Variants in SRGAP1 observed in about 807,000 individuals in gnomAD.
SRGAP1 encodes SLIT-ROBO Rho GTPase-activating protein 1.
A neutral mutation model predicts 121.9 loss-of-function variants in SRGAP1; 43 were observed. That is an observed-to-expected ratio of 0.35 (90% CI 0.28 to 0.46). The LOEUF (loss-of-function observed/expected upper bound fraction) is 0.46, where lower values mean the gene tolerates loss of function less well. SRGAP1 is among the 20% of genes least tolerant of loss of function. The pLI is 1.00. For synonymous variants in SRGAP1, 447 were observed against 485.4 expected, an observed-to-expected ratio of 0.92 and a Z score of 1.04; for missense variants, 1,102 against 1,350.9, an observed-to-expected ratio of 0.82 and a Z score of 2.89.
At chr12:63,912,415 C>A (rs887638677) in intron 1 of SRGAP1, among the ~76,000 whole-genome samples, 50 of 152,076 alleles carry the variant, frequency 3.3e-4, no homozygotes, top group African/African-American at 1.2e-3. Context: ...CCAGATAAGC[C>A]TGGGCAGCAA....
At chr12:63,898,442 TA>T (rs1291989660) in intron 1 of SRGAP1, among the ~76,000 whole-genome samples, 2 of 152,252 alleles carry the variant, frequency 1.3e-5, no homozygotes, top group Non-Finnish European at 2.9e-5. Flanking sequence ...TCCCTTCTGA[TA>T]ATTTTAAAAG....
At chr12:63,903,559 GT>G (rs574157882) in intron 1 of SRGAP1, among the ~76,000 whole-genome samples, 3 of 143,236 alleles carry the variant, frequency 2.1e-5, no homozygotes, top group South Asian at 2.3e-4. Context: ...TTTTTTGTTT[GT>G]TTTTTTTTTC....
At chr12:64,059,611 A>AT (rs1026320040) in intron 6 of SRGAP1, among the ~76,000 whole-genome samples, 1 of 152,138 alleles carries the variant, frequency 6.6e-6, no homozygotes, top group African/African-American at 2.4e-5. Flanking sequence ...CTAAAAAAAA[A>AT]GGTCATTTCC....
At chr12:64,082,387 TC>T (rs533634456) in intron 10 of SRGAP1, among the ~76,000 whole-genome samples, 330 of 152,282 alleles carry the variant, frequency 2.2e-3, no homozygotes, top group Non-Finnish European at 3.8e-3. Flanking sequence ...CATGCCAAAT[TC>T]CGTCTTTAGC....
At chr12:63,922,007 T>G (rs1051749611) in intron 1 of SRGAP1, among the ~76,000 whole-genome samples, 6 of 151,516 alleles carry the variant, frequency 4.0e-5, no homozygotes, top group Admixed American at 6.6e-5. Flanking sequence ...AGACTGAGTC[T>G]CACCTCTGTC....
At chr12:63,893,386 CT>C (rs1212663288) in intron 1 of SRGAP1, among the ~76,000 whole-genome samples, 3 of 152,164 alleles carry the variant, frequency 2.0e-5, no homozygotes, top group African/African-American at 7.2e-5. Context: ...CCATCCCTGG[CT>C]AAGAAGAGAC....
intron 8 of SRGAP1, among the ~76,000 whole-genome samples, chr12:64,073,522 C>G (rs1396651562): frequency 6.6e-6 from 1 of 152,078 alleles, no homozygotes; most frequent in African/African-American, 2.4e-5. Context: ...CCACAGATAC[C>G]AAAACCCGAA....
chr12:64,142,346 A>G lies in SRGAP1; in HGVS notation c.2932A>G (p.Arg978Gly). ...TALNELRELE[R>G]QSTAKHAPDV... The stretch of plus-strand genomic sequence containing the variant: ...TTTGAATGAACTCCGAGAACTGGAG[A>G]GACAGAGCACAGCAAAGCATGCCCC... Residue 978 changes from arginine to glycine, a missense_variant, in exon 22 of 22, where the codon AGA becomes GGA. Arg to Gly is a moderately radical substitution (Grantham distance 125). Around this residue, in one of 3 missense-constraint regions of SRGAP1, gnomAD observed 315 missense variants for 343.1 expected, o/e 0.92. Transcript: ENST00000355086. 6.2e-7 allele frequency: 1 copy of G among 1,614,064 alleles called. No homozygotes were observed. Among genetic ancestry groups the G allele is most frequent in the Non-Finnish European group, 8.5e-7 (1 of 1,180,000 alleles).
At chr12:63,924,487 C>T (rs960249724) in intron 1 of SRGAP1, among the ~76,000 whole-genome samples, 1 of 152,172 alleles carries the variant, frequency 6.6e-6, no homozygotes, top group Non-Finnish European at 1.5e-5. Context: ...ATTACATGAA[C>T]AGTTTTTTGG....
intron 3 of SRGAP1, among the ~76,000 whole-genome samples, chr12:64,003,079 G>A (rs1217669210): frequency 2.4e-5 from 3 of 125,282 alleles, no homozygotes; most frequent in Admixed American, 8.5e-5. Context: ...AGGGAGGGAG[G>A]AAGGGAGGGT....
chr12:63,952,640 A>G (rs141946089), intron 1 of SRGAP1, among the ~76,000 whole-genome samples: 331 of 152,302 alleles, frequency 2.2e-3, no homozygotes, highest in Non-Finnish European at 4.0e-3. Flanking sequence ...AGTTAGTCCC[A>G]GAATGATCAG....
intron 1 of SRGAP1, among the ~76,000 whole-genome samples, chr12:63,969,799 G>GAA (rs899811117): frequency 2.4e-5 from 3 of 127,396 alleles, no homozygotes; most frequent in Admixed American, 1.5e-4. Flanking sequence ...GTCTCAAAAA[G>GAA]AAAAAAAAAA....
At chr12:64,112,547 C>G (rs2036446940) in intron 17 of SRGAP1, among the ~76,000 whole-genome samples, 2 of 152,144 alleles carry the variant, frequency 1.3e-5, no homozygotes, top group African/African-American at 4.8e-5. Flanking sequence ...CCTCCCATTG[C>G]TGCAAATGAC....
chr12:63,953,183 G>A (rs2032350677), intron 1 of SRGAP1, among the ~76,000 whole-genome samples: 1 of 152,158 alleles, frequency 6.6e-6, no homozygotes, highest in African/African-American at 2.4e-5. Flanking sequence ...TTAAGTGGCT[G>A]CTGATAGTGT....
intron 1 of SRGAP1, among the ~76,000 whole-genome samples, chr12:63,930,775 G>A (rs1057296647): frequency 1.3e-4 from 19 of 151,936 alleles, no homozygotes; most frequent in Admixed American, 6.6e-4. Context: ...TTCAAAAAGC[G>A]TCAAGAATGA....
chr12:63,895,980 C>G (rs1359842255), intron 1 of SRGAP1, among the ~76,000 whole-genome samples: 4 of 152,144 alleles, frequency 2.6e-5, no homozygotes, highest in Non-Finnish European at 5.9e-5. Flanking sequence ...TTGCTCTTCA[C>G]TCAGTCAGAT....
Position 64,155,034 on chromosome 12 carries a change from A to AT in SRGAP1, c.*12369dup, listed in dbSNP as rs1157255862. On this transcript the variant is annotated 3_prime_UTR_variant, in exon 22 of 22. Transcript: ENST00000355086. ...TAGTTAACATTTGTTAAATATATATATTTTTTTCTTTTTCTTTTTCTTTTT... is the reference window on the plus strand; with the variant it reads ...TAGTTAACATTTGTTAAATATATATATTTTTTTTCTTTTTCTTTTTCTTTTT... The AT allele has an allele frequency of 1.3e-5, 2 of 151,900 alleles. No individual in the cohort carries two copies. The highest frequency in any genetic ancestry group is 2.1e-4 in the South Asian group (1 of 4,802). 9.4% of individuals were successfully genotyped at this position (151,900 alleles called of 1,614,324 possible). A position where few individuals can be genotyped will look rare whatever the true frequency, so the allele number is the denominator to read the frequency against.
chr12:64,134,891 C>T, intron 21 of SRGAP1, among the ~76,000 whole-genome samples: 1 of 152,152 alleles, frequency 6.6e-6, no homozygotes, highest in East Asian at 1.9e-4. Context: ...ATGGGTCACA[C>T]TCTCAACCTC....
At chr12:64,115,330 T>C (rs906989833) in intron 17 of SRGAP1, among the ~76,000 whole-genome samples, 1 of 152,228 alleles carries the variant, frequency 6.6e-6, no homozygotes, top group Admixed American at 6.5e-5. Flanking sequence ...CAAAGATGAA[T>C]GTATGTATCT....
Sources: allele counts gnomAD v4.1 joint callset (sites outside exome capture counted in the v4.1 genomes callset), GRCh38; gene constraint gnomAD v4.1.1; regional missense constraint gnomAD v4.1.1; transcripts MANE v1.5; gene names NCBI Gene and HGNC (gene_info 2026-07-23, HGNC 2026-07-21).